LTK: variants seen among roughly 807,000 people sequenced by gnomAD.
The protein encoded by LTK is leukocyte receptor tyrosine kinase.
LTK carries 117 observed loss-of-function variants against 101.5 expected under a neutral mutation model. The observed-to-expected ratio is 1.15, with a 90% CI of 0.99 to 1.34. The LOEUF is 1.34. LTK is among the 40% of genes most tolerant of loss of function. LTK has a pLI of 0.00. For missense variants in LTK, 1,252 were observed against 1,164.7 expected (o/e 1.07, Z -1.09); for synonymous variants, 563 against 494.2 (o/e 1.14, Z -1.85).
intron 11 of LTK, among the ~76,000 whole-genome samples, chr15:41,506,475 TTG>T (rs2051288012): frequency 6.6e-6 from 1 of 152,110 alleles, no homozygotes; most frequent in Non-Finnish European, 1.5e-5. Context: ...CAGCTATTTT[TTG>T]TGTTTTTAGT....
At position 41,504,394 on chromosome 15, in the gene LTK, T is replaced by C. The variant is rs772878977; in HGVS notation, c.2294A>G (p.Glu765Gly). 2.5e-6 allele frequency: 4 copies of C among 1,614,136 alleles called. No homozygotes were observed. Among genetic ancestry groups the C allele is most frequent in the Non-Finnish European group, 3.4e-6 (4 of 1,180,006 alleles). ...GATGCTGGCAAAGCTAGGGCGGAGC[T>C]CAGGCTCGTGCTGCCAACACTGGGT... ...IMTQCWQHEP[E>G]LRPSFASILE... Residue 765 changes from glutamate (E) to glycine (G), a missense_variant, in exon 19 of 20, where the codon GAG becomes GGG. Coordinates refer to ENST00000263800, the MANE Select transcript of LTK (RefSeq NM_002344.6).
In LTK at chr15:41,505,303, G is replaced by A. The variant is rs2051232140; in HGVS notation, c.1830C>T (p.Gly610=). ...CCCGCATGACCAGAGGTGATGGCTG[G>A]CCCTGGGTCAGGCAGAGGGGGCATC... is the stretch of plus-strand genomic sequence containing the variant. The part of the protein sequence containing the change: ...SFLRHSRPHL[G]QPSPLVMRDL... The change falls in exon 15 of 20, where the codon GGC becomes GGT. Residue 610 remains glycine (G), a splice_region_variant and synonymous_variant. Transcript: ENST00000263800. The A allele has an allele frequency of 6.2e-7, 1 of 1,613,946 alleles. No homozygotes were observed. The highest frequency in any genetic ancestry group is 2.2e-5 in the East Asian group (1 of 44,876).
In LTK at chr15:41,504,203, C is replaced by G. The variant is rs772200858; in HGVS notation, c.2388G>C (p.Gly796=). The G allele has an allele frequency of 1.2e-6, 2 of 1,611,580 alleles. No homozygotes were observed. The highest frequency in any genetic ancestry group is 1.7e-6 in the Non-Finnish European group (2 of 1,178,284). The change falls in exon 20 of 20, where the codon GGG becomes GGC. Residue 796 remains glycine, a synonymous_variant. Coordinates refer to ENST00000263800, the MANE Select transcript of LTK (RefSeq NM_002344.6). ...VLNSLLPMEL[G]PTPEEEGTSG... ...AAGTCCCTTCCTCCTCTGGGGTGGG[C>G]CCCAGCTCCATTGGCAGGAGTGAAT...
intron 7 of LTK, 63 bp from the exon 8 acceptor site, chr15:41,509,192 T>C: frequency 1.0e-6 from 1 of 1,000,542 alleles, no homozygotes; most frequent in Non-Finnish European, 1.6e-6. Context: ...GAAGCTGGAA[T>C]CTCCCGGTGG....
chr15:41,505,677 C>T (rs1264305884), intron 13 of LTK, 36 bp downstream of exon 13: 3 of 1,612,296 alleles, frequency 1.9e-6, no homozygotes, highest in Non-Finnish European at 1.7e-6. Flanking sequence ...GCATTCCCCT[C>T]CCGCCTTCCA....
Position 41,505,966 on chromosome 15 carries a change from T to A in LTK, c.1581A>T (p.Gly527=). Residue 527 remains glycine, a synonymous_variant, in exon 12 of 20, where the codon GGA becomes GGT. Coordinates refer to ENST00000263800, the MANE Select transcript of LTK (RefSeq NM_002344.6). ...GHGAFGEVYE[G]LVIGLPGDSS... is the part of the protein sequence containing the mutation. ...AGTCCCCAGGAAGGCCAATTACCAG[T>A]CCCTCATACACCTCCCCAAAGGCAC... 1 of 1,613,876 alleles carries A rather than the reference T, an allele frequency of 6.2e-7. No homozygotes were observed. The highest frequency in any genetic ancestry group is 8.5e-7 in the Non-Finnish European group (1 of 1,179,914).
chr15:41,505,811 C>T (rs1478454892), intron 12 of LTK, 34 bp from the exon 13 acceptor site: 3 of 1,611,038 alleles, frequency 1.9e-6, no homozygotes, highest in African/African-American at 2.7e-5. Context: ...TCTGAGCTGC[C>T]CTGCACGCTT....
At position 41,512,153 on chromosome 15, in the gene LTK, T is replaced by C; in HGVS notation, c.472A>G (p.Ile158Val). 2 of 1,612,388 alleles carry C rather than the reference T, an allele frequency of 1.2e-6. No homozygotes were observed. Among genetic ancestry groups the C allele is most frequent in the Non-Finnish European group, 1.7e-6 (2 of 1,179,496 alleles). Residue 158 changes from isoleucine to valine, a missense_variant, in exon 4 of 20, where the codon ATC (isoleucine) becomes GTC (valine). Physicochemically the swap from Ile to Val is conservative, Grantham distance 29. Coordinates refer to ENST00000263800, the MANE Select transcript of LTK (RefSeq NM_002344.6). The stretch of plus-strand genomic sequence containing the variant: ...TCCTCTCCCTGCTGCCCCACCAGGA[T>C]GTACAGCGACTCCCCGAGACCGAGG... The part of the protein sequence containing the change: ...FSLGLGESLY[I>V]LVGQQGEDAC...
At position 41,504,431 on chromosome 15, in the gene LTK, A is replaced by T; in HGVS notation, c.2257T>A (p.Tyr753Asn). 1.9e-6 allele frequency: 3 copies of T among 1,614,138 alleles called. No individual in the cohort carries two copies. Among genetic ancestry groups the T allele is most frequent in the Non-Finnish European group, 2.5e-6 (3 of 1,180,006 alleles). The change falls in exon 19 of 20, where the codon TAC becomes AAC. Residue 753 changes from tyrosine to asparagine, a missense_variant and splice_region_variant. By Grantham distance (143) the Tyr-to-Asn change is moderately radical. Transcript: ENST00000263800. ...TGCCAACACTGGGTCATGATGCGGTACCTGGGGAGAGGCAGGAGTTCATGC... is the reference window on the plus strand; with the variant it reads ...TGCCAACACTGGGTCATGATGCGGTTCCTGGGGAGAGGCAGGAGTTCATGC... ...DPPRGCPGPV[Y>N]RIMTQCWQHE...
In LTK at chr15:41,505,493, G is replaced by A. The variant is rs539492594; in HGVS notation, c.1735C>T (p.Leu579Phe). The part of the protein sequence containing the change: ...RHQNIVRCVG[L>F]SLRATPRLIL... ...AGGCGAGGGGTGGCCCTGAGGCTGA[G>A]CCCCACACACCGCACAATGTTCTGA... Residue 579 changes from leucine to phenylalanine, a missense_variant, in exon 14 of 20, where the codon CTC (leucine) becomes TTC (phenylalanine). Leu to Phe is a conservative substitution (Grantham distance 22). Coordinates refer to ENST00000263800, the MANE Select transcript of LTK (RefSeq NM_002344.6). 1.1e-5 allele frequency: 18 copies of A among 1,613,934 alleles called. No individual in the cohort carries two copies. Among genetic ancestry groups the A allele is most frequent in the South Asian group, 2.2e-5 (2 of 91,072 alleles).
chr15:41,504,763 G>A lies in LTK; in HGVS notation c.2120+10C>T. On this transcript the variant is annotated intron_variant, in intron 17 of 19. Coordinates refer to ENST00000263800, the MANE Select transcript of LTK (RefSeq NM_002344.6). ...AACAGTGGGGAAGGGGAGGGGAAGG[G>A]TGTTATCACCAGGAATCTGTCTTGG... 3 of 1,609,262 alleles carry A rather than the reference G, an allele frequency of 1.9e-6. No homozygotes were observed. The highest frequency in any genetic ancestry group is 1.1e-5 in the South Asian group (1 of 89,920).
Position 41,513,804 on chromosome 15 carries a change from G to A in LTK, c.-95C>T, listed in dbSNP as rs1167697227. 1.8e-6 allele frequency: 2 copies of A among 1,124,142 alleles called. No individual in the cohort carries two copies. The highest frequency in any genetic ancestry group is 2.7e-6 in the Non-Finnish European group (2 of 738,018). The allele number at this position is 1,124,142 out of a possible 1,614,324, so 69.6% of individuals were successfully genotyped here. A position where few individuals can be genotyped will look rare whatever the true frequency, so the allele number is the denominator to read the frequency against. Reference sequence around the variant, plus strand: ...CAGCTCATTTTGCCACGGCAGCCCTGGCCACCACTTACAGGGGTGTGCTGC... The same window carrying A: ...CAGCTCATTTTGCCACGGCAGCCCTAGCCACCACTTACAGGGGTGTGCTGC... On this transcript the variant is annotated 5_prime_UTR_variant, in exon 1 of 20. Transcript: ENST00000263800.
chr15:41,513,018 G>A lies in LTK; in HGVS notation c.146C>T (p.Pro49Leu), dbSNP rs762101780. The A allele has an allele frequency of 1.9e-6, 3 of 1,613,048 alleles. No individual in the cohort carries two copies. The highest frequency in any genetic ancestry group is 1.7e-6 in the Non-Finnish European group (2 of 1,179,818). ...GGAGGCTGGCTCCAAGATACTAGGC[G>A]GGGCGCTGACTTTCGGGTCCCGGGG... ...PSPRDPKVSA[P>L]PSILEPASPL... Residue 49 changes from proline to leucine, a missense_variant, in exon 2 of 20, where the codon CCG becomes CTG. Physicochemically the swap from Pro to Leu is moderately conservative, Grantham distance 98. Transcript: ENST00000263800.
intron 7 of LTK, among the ~76,000 whole-genome samples, chr15:41,509,784 G>A (rs1394105595): frequency 2.0e-5 from 3 of 151,734 alleles, no homozygotes; most frequent in South Asian, 4.2e-4. Context: ...GCTTGAACCC[G>A]GGAGGCGGAG....
At position 41,504,011 on chromosome 15, in the gene LTK, G is replaced by A; in HGVS notation, c.2580C>T (p.Pro860=). The A allele has an allele frequency of 1.2e-6, 2 of 1,606,192 alleles. No individual in the cohort carries two copies. Among genetic ancestry groups the A allele is most frequent in the Non-Finnish European group, 8.5e-7 (1 of 1,176,576 alleles). Residue 860 remains proline, a synonymous_variant, in exon 20 of 20, where the codon CCC becomes CCT. Coordinates refer to ENST00000263800, the MANE Select transcript of LTK (RefSeq NM_002344.6). ...CCCTTGGGGCTCAGGAGCGATAAGT[G>A]GGATTCCAAAGGTTCTGAGGTTGGA... ...RGLQPQNLWN[P]TYRS
Position 41,511,144 on chromosome 15 carries a change from C to T in LTK, c.997+20G>A. Reference sequence around the variant, plus strand: ...TCACCCTCGGGCCTGCTCAGCTGCCCTCTCCAACGGTGCACCTACCCCTGT... The same window carrying T: ...TCACCCTCGGGCCTGCTCAGCTGCCTTCTCCAACGGTGCACCTACCCCTGT... On this transcript the variant is annotated intron_variant, in intron 7 of 19. Transcript: ENST00000263800. This position sits in a 1 kb window ranked among gnomAD's most constrained non-coding sequence, Gnocchi z 5.9. 1 of 1,393,228 alleles carries T rather than the reference C, an allele frequency of 7.2e-7. No homozygotes were observed. The highest frequency in any genetic ancestry group is 9.3e-7 in the Non-Finnish European group (1 of 1,080,482). The allele number at this position is 1,393,228 out of a possible 1,614,324, so 86.3% of individuals were successfully genotyped here. A position where few individuals can be genotyped will look rare whatever the true frequency, so the allele number is the denominator to read the frequency against.
chr15:41,507,987 T>C, intron 9 of LTK, 82 bp downstream of exon 9: 2 of 1,438,574 alleles, frequency 1.4e-6, no homozygotes, highest in South Asian at 2.7e-5. Context: ...AGCAAATCTC[T>C]ATACCATCTT....
At chr15:41,513,168 A>G (rs1280685150) in intron 1 of LTK, 48 bp from the exon 2 acceptor site, 1 of 1,522,886 alleles carries the variant, frequency 6.6e-7, no homozygotes, top group African/African-American at 1.4e-5. Flanking sequence ...GGGTGGAAAT[A>G]GGATATGAAA....
rs1173684603 is a variant in LTK at position 41,507,177 on chromosome 15, G to C, written c.1459C>G (p.Gln487Glu). ...IRTAPNPYYC[Q>E]VGLGPAQSWP... ...GACTGGGCCGGGCCAAGCCCCACCTGGCAATAATAGGGATTGGGGGCTGTC... is the reference window on the plus strand; with the variant it reads ...GACTGGGCCGGGCCAAGCCCCACCTCGCAATAATAGGGATTGGGGGCTGTC... Residue 487 changes from glutamine to glutamate, a missense_variant, in exon 11 of 20, where the codon CAG (glutamine) becomes GAG (glutamate). Physicochemically the swap from Gln to Glu is conservative, Grantham distance 29. Coordinates refer to ENST00000263800, the MANE Select transcript of LTK (RefSeq NM_002344.6). The C allele has an allele frequency of 6.2e-7, 1 of 1,613,746 alleles. No homozygotes were observed. Among genetic ancestry groups the C allele is most frequent in the Admixed American group, 1.7e-5 (1 of 59,840 alleles).
Sources: allele counts gnomAD v4.1 joint callset (sites outside exome capture counted in the v4.1 genomes callset), GRCh38; gene constraint gnomAD v4.1.1; non-coding constraint Gnocchi (gnomAD v3.1); transcripts MANE v1.5; gene names NCBI Gene and HGNC (gene_info 2026-07-23, HGNC 2026-07-21).